LAP3: variants seen among roughly 807,000 people sequenced by gnomAD.
The protein encoded by LAP3 is cytosol aminopeptidase.
Under a neutral mutation model 58.8 loss-of-function variants are expected in LAP3, and 46 were observed. That is an observed-to-expected ratio of 0.78 (90% confidence interval 0.62 to 1.00). The LOEUF is 1.00. Ranked by LOEUF, LAP3 falls within the 50% of genes least tolerant of loss-of-function variation. The pLI is 0.00. For missense variants in LAP3, 615 were observed against 659.1 expected (o/e 0.93, Z 0.73); for synonymous variants, 257 against 237.7 (o/e 1.08, Z -0.75).
intron 1 of LAP3, among the ~76,000 whole-genome samples, chr4:17,578,327 C>G (rs893924420): frequency 6.6e-6 from 1 of 152,188 alleles, no homozygotes; most frequent in African/African-American, 2.4e-5. Flanking sequence ...AGTACTGTGC[C>G]ACAGCCTACC....
At chr4:17,585,280 G>A in intron 6 of LAP3, 144 bp downstream of exon 6, 1 of 616,684 alleles carries the variant, frequency 1.6e-6, no homozygotes, top group Non-Finnish European at 2.9e-6. Flanking sequence ...ATGGGGAGCT[G>A]GAATAGAGCT....
chr4:17,591,377 G>A (rs1335822571), intron 7 of LAP3, among the ~76,000 whole-genome samples: 2 of 151,714 alleles, frequency 1.3e-5, no homozygotes, highest in Admixed American at 1.3e-4. Flanking sequence ...TCCTGATCTC[G>A]TGATCCCCCC....
Sources: allele counts gnomAD v4.1 joint callset (sites outside exome capture counted in the v4.1 genomes callset), GRCh38; gene constraint gnomAD v4.1.1; transcripts MANE v1.5; gene names NCBI Gene and HGNC (gene_info 2026-07-23, HGNC 2026-07-21).